VPS54: variants seen among roughly 807,000 people sequenced by gnomAD.
VPS54 encodes the protein vacuolar protein sorting-associated protein 54.
Under a neutral mutation model 121.5 loss-of-function variants are expected in VPS54, and 45 were observed. The ratio of observed to expected loss-of-function variants is 0.37; its 90% CI spans 0.29 to 0.47. The LOEUF (loss-of-function observed/expected upper bound fraction) is 0.47, where lower values mean the gene tolerates loss of function less well. Ranked by LOEUF, VPS54 falls within the 20% of genes least tolerant of loss-of-function variation. VPS54 has a pLI of 0.99. For synonymous variants in VPS54, 371 were observed against 385.8 expected (o/e 0.96, Z 0.45); for missense variants, 1,090 against 1,131.4 (o/e 0.96, Z 0.52).
chr2:63,970,814 A>C (rs980215917), intron 4 of VPS54, among the ~76,000 whole-genome samples: 1 of 152,112 alleles, frequency 6.6e-6, no homozygotes, highest in Non-Finnish European at 1.5e-5. Context: ...CTCCATCACC[A>C]GTCGTTTTCT....
intron 20 of VPS54, among the ~76,000 whole-genome samples, chr2:63,902,914 G>C (rs951051535): frequency 1.3e-5 from 2 of 152,212 alleles, no homozygotes; most frequent in Non-Finnish European, 2.9e-5. Context: ...GTCACAGTGA[G>C]CTGAGATCAT....
Position 63,919,797 on chromosome 2 carries a change from T to C in VPS54, c.2164+86A>G, listed in dbSNP as rs953287165. The C allele has an allele frequency of 3.8e-5, 35 of 931,140 alleles. No individual in the cohort carries two copies. The African/African-American group carries it at 3.8e-4, about 10-fold the overall frequency. 57.7% of individuals were successfully genotyped at this position (931,140 alleles called of 1,614,324 possible). A position where few individuals can be genotyped will look rare whatever the true frequency, so the allele number is the denominator to read the frequency against. On this transcript the variant is annotated intron_variant, in intron 15 of 22. Coordinates refer to ENST00000272322, the MANE Select transcript of VPS54 (RefSeq NM_016516.3). ...ATTGGTTCTAGCTTTGAAATAGGCA[T>C]TGTCAACTAAAGAAATATTAAGCAT...
intron 4 of VPS54, among the ~76,000 whole-genome samples, chr2:63,971,439 C>T (rs1053594395): frequency 3.9e-5 from 6 of 152,188 alleles, no homozygotes; most frequent in Admixed American, 2.0e-4. Flanking sequence ...CATGATCTGA[C>T]CACTGCCTAT....
chr2:63,957,745 T>C (rs1374523573), intron 7 of VPS54, among the ~76,000 whole-genome samples: 3 of 152,148 alleles, frequency 2.0e-5, no homozygotes, highest in Admixed American at 6.5e-5. Flanking sequence ...CAAATGTATG[T>C]AGGAAGATGC....
intron 20 of VPS54, among the ~76,000 whole-genome samples, chr2:63,905,714 T>C (rs1385434176): frequency 2.0e-5 from 3 of 152,002 alleles, no homozygotes; most frequent in Non-Finnish European, 4.4e-5. Flanking sequence ...CAAAATCAAA[T>C]AGGCACTTCA....
intron 6 of VPS54, 65 bp downstream of exon 6, chr2:63,965,770 C>T: frequency 1.9e-6 from 3 of 1,569,428 alleles, no homozygotes; most frequent in Admixed American, 2.1e-5. Flanking sequence ...TAAATCTGAA[C>T]CCAAGCAAAC....
chr2:63,983,746 C>T, intron 2 of VPS54, 118 bp downstream of exon 2: 1 of 1,350,404 alleles, frequency 7.4e-7, no homozygotes, highest in Non-Finnish European at 9.8e-7. Context: ...CCGGCCCCCC[C>T]AAATGATTTT....
intron 1 of VPS54, among the ~76,000 whole-genome samples, chr2:64,003,690 G>A (rs1391039829): frequency 1.3e-5 from 2 of 151,758 alleles, no homozygotes; most frequent in African/African-American, 4.8e-5. Context: ...GGGCTAATAA[G>A]GAAAAGAAAA....
At chr2:63,898,832 G>C (rs1272294003) in intron 21 of VPS54, among the ~76,000 whole-genome samples, 1 of 151,980 alleles carries the variant, frequency 6.6e-6, no homozygotes, top group African/African-American at 2.4e-5. Flanking sequence ...AAACTTCAAA[G>C]TTCCAGGAGA....
intron 3 of VPS54, chr2:63,975,066 G>C (rs1202181266): frequency 6.5e-7 from 1 of 1,541,824 alleles, no homozygotes; most frequent in Non-Finnish European, 8.8e-7. Flanking sequence ...TCTTTTTTGA[G>C]ACAGAGTCTC....
chr2:63,968,760 AAGAC>A lies in VPS54; in HGVS notation c.492+193_492+196del, dbSNP rs201986986. ...AGAAAAGCAGAAAGAAAAAGAAAGA[AAGAC>A]AGAAAAGACAGAAGGAAGGAAAGAA... On this transcript the variant is annotated intron_variant, in intron 5 of 22. Coordinates refer to ENST00000272322, the MANE Select transcript of VPS54 (RefSeq NM_016516.3). Among the ~76,000 whole-genome samples the A allele has an allele frequency of 6.6e-3, 999 of 151,982 alleles. 13 individuals are homozygous for A. Among genetic ancestry groups the A allele is most frequent in the Middle Eastern group, 0.024 (7 of 294 alleles).
chr2:63,902,980 C>CATAACATAACATAACAT (rs376596159), intron 20 of VPS54, among the ~76,000 whole-genome samples: 1 of 151,420 alleles, frequency 6.6e-6, no homozygotes, highest in African/African-American at 2.4e-5. Flanking sequence ...AATAACATAA[C>CATAACATAACATAACAT]AACATAACAT....
At chr2:64,008,875 GCTTA>G (rs1678294742) in intron 1 of VPS54, among the ~76,000 whole-genome samples, 1 of 152,188 alleles carries the variant, frequency 6.6e-6, no homozygotes, top group South Asian at 2.1e-4. Context: ...GTTCATAATA[GCTTA>G]CTTTCAGATG....
At chr2:63,991,398 T>G (rs1302420741) in intron 1 of VPS54, among the ~76,000 whole-genome samples, 1 of 152,148 alleles carries the variant, frequency 6.6e-6, no homozygotes, top group Non-Finnish European at 1.5e-5. Context: ...GATCACGAGG[T>G]GTTCCCTGCA....
chr2:63,991,879 G>C (rs1288026831), intron 1 of VPS54, among the ~76,000 whole-genome samples: 1 of 152,198 alleles, frequency 6.6e-6, no homozygotes, highest in African/African-American at 2.4e-5. Flanking sequence ...TCAGTACAAT[G>C]CTTGTCCACC....
At chr2:63,900,887 C>T (rs1010623141) in intron 20 of VPS54, among the ~76,000 whole-genome samples, 2 of 152,040 alleles carry the variant, frequency 1.3e-5, no homozygotes, top group Non-Finnish European at 1.5e-5. Flanking sequence ...CTCAGCCTCC[C>T]GAGTAGCTGG....
chr2:63,897,671 G>A (rs1311612381), intron 21 of VPS54, 81 bp from the exon 22 acceptor site: 4 of 891,872 alleles, frequency 4.5e-6, no homozygotes, highest in Non-Finnish European at 6.5e-6. Context: ...TTTAGAGAAA[G>A]TATTTTTAAA....
At chr2:63,965,210 C>T (rs1325232390) in intron 6 of VPS54, among the ~76,000 whole-genome samples, 1 of 152,182 alleles carries the variant, frequency 6.6e-6, no homozygotes, top group Non-Finnish European at 1.5e-5. Flanking sequence ...GGCATGGTGG[C>T]TCACATCCGT....
At chr2:63,983,544 A>ACCATTCTCCT (rs1676896841) in intron 2 of VPS54, among the ~76,000 whole-genome samples, 3 of 144,984 alleles carry the variant, frequency 2.1e-5, no homozygotes, top group African/African-American at 7.8e-5. Context: ...CTGAGTTCAC[A>ACCATTCTCCT]GCATTCTCCT....
Sources: gnomAD v4.1 joint callset for allele counts (sites outside exome capture counted in the v4.1 genomes callset) on GRCh38, gnomAD v4.1.1 for gene constraint, MANE v1.5 for transcripts, NCBI Gene and HGNC (gene_info 2026-07-23, HGNC 2026-07-21) for gene names.